The following ELMO2 variants were observed in gnomAD, a reference collection of about 807,000 sequenced individuals.
ELMO2 encodes engulfment and cell motility protein 2.
In ELMO2, 37 loss-of-function variants were observed where a neutral mutation model predicts 96.2. The observed-to-expected ratio is 0.38, with a 90% CI of 0.30 to 0.51. The LOEUF is 0.51. Among genes scored for constraint, ELMO2 ranks in the 20% least tolerant of loss-of-function variants. The pLI is 0.88. For missense variants in ELMO2, 561 were observed against 912.6 expected (o/e 0.61, Z 4.96); for synonymous variants, 315 against 329.4 (o/e 0.96, Z 0.47).
At position 46,373,548 on chromosome 20, in the gene ELMO2, A is replaced by G; in HGVS notation, c.1280-13T>C. 3 of 1,613,456 alleles carry G rather than the reference A, an allele frequency of 1.9e-6. No homozygotes were observed. Among genetic ancestry groups the G allele is most frequent in the Non-Finnish European group, 2.5e-6 (3 of 1,179,422 alleles). The stretch of plus-strand genomic sequence containing the variant: ...CGTCCTTCATTTGCTGTGGAAGTGA[A>G]AAAACAGGGAGAAGATGAAGCCTCT... On this transcript the variant is annotated splice_polypyrimidine_tract_variant and intron_variant, in intron 15 of 21. Coordinates refer to ENST00000290246, the MANE Select transcript of ELMO2 (RefSeq NM_133171.5).
chr20:46,394,164 C>T, intron 3 of ELMO2, 75 bp from the exon 4 acceptor site: 1 of 1,335,836 alleles, frequency 7.5e-7, no homozygotes, highest in Non-Finnish European at 1.1e-6. Context: ...AGAGGCCTGC[C>T]AAGCAGGGTC....
chr20:46,389,516 C>T (rs2060113473), intron 6 of ELMO2, among the ~76,000 whole-genome samples: 1 of 152,152 alleles, frequency 6.6e-6, no homozygotes, highest in Non-Finnish European at 1.5e-5. Context: ...GATGGTAAGT[C>T]ACAGAGAAAC....
In ELMO2 at chr20:46,375,596, G is replaced by C. The variant is rs1192974300; in HGVS notation, c.930+72C>G. On this transcript the variant is annotated intron_variant, in intron 12 of 21. Coordinates refer to ENST00000290246, the MANE Select transcript of ELMO2 (RefSeq NM_133171.5). This position sits in a 1 kb window ranked among gnomAD's most constrained non-coding sequence, Gnocchi z 4.6. The stretch of plus-strand genomic sequence containing the variant: ...CTTCTGCAGACAAAGACCAAGCACA[G>C]TGCCTGGCACATAGACTAAGGCTGG... 3.3e-5 allele frequency: 53 copies of C among 1,602,330 alleles called. No homozygotes were observed. Among genetic ancestry groups the C allele is most frequent in the Non-Finnish European group, 4.5e-5 (53 of 1,171,692 alleles).
intron 11 of ELMO2, among the ~76,000 whole-genome samples, chr20:46,378,786 T>C (rs1267743630): frequency 6.6e-6 from 1 of 152,210 alleles, no homozygotes; most frequent in Non-Finnish European, 1.5e-5. Context: ...CTAAGCACAG[T>C]ATTATATTAG....
chr20:46,369,733 T>G (rs576845045), intron 20 of ELMO2: 1 of 161,036 alleles, frequency 6.2e-6, no homozygotes, highest in African/African-American at 2.4e-5. Flanking sequence ...AACCTCTAGA[T>G]CCCTCTTCCA....
At chr20:46,388,970 A>G in intron 7 of ELMO2, 69 bp downstream of exon 7, 2 of 1,510,380 alleles carry the variant, frequency 1.3e-6, no homozygotes, top group Non-Finnish European at 1.8e-6. Context: ...AAGGGAAATG[A>G]GACTAGGATG....
At chr20:46,404,923 C>T (rs374071055) in intron 1 of ELMO2, among the ~76,000 whole-genome samples, 1 of 152,170 alleles carries the variant, frequency 6.6e-6, no homozygotes, top group Non-Finnish European at 1.5e-5. Flanking sequence ...AGCAGCATCA[C>T]TCTAGCATAG....
At chr20:46,376,623 T>C in intron 11 of ELMO2, 1 of 1,289,426 alleles carries the variant, frequency 7.8e-7, no homozygotes, top group Non-Finnish European at 1.0e-6. Flanking sequence ...TTCCTGTCTC[T>C]CACCATCCTG....
chr20:46,372,793 GA>G (rs1231764085), intron 16 of ELMO2: 6 of 152,222 alleles, frequency 3.9e-5, no homozygotes, highest in African/African-American at 1.4e-4. Context: ...ACCTGTAGGG[GA>G]TAAAAAAGAC....
intron 1 of ELMO2, among the ~76,000 whole-genome samples, chr20:46,400,732 C>T (rs2145858496): frequency 6.6e-6 from 1 of 152,354 alleles, no homozygotes; most frequent in Non-Finnish European, 1.5e-5. Context: ...GTTTTTCAAA[C>T]ACAGAGCTGG....
intron 2 of ELMO2, among the ~76,000 whole-genome samples, chr20:46,394,791 T>C (rs1225632475): frequency 6.6e-6 from 1 of 152,218 alleles, no homozygotes; most frequent in Non-Finnish European, 1.5e-5. Context: ...CACTTCAGTT[T>C]AAGAGTCAAG....
At chr20:46,376,924 C>G (rs1171128159) in intron 11 of ELMO2, 1 of 834,830 alleles carries the variant, frequency 1.2e-6, no homozygotes, top group African/African-American at 1.8e-5. Context: ...TTGCACCAGC[C>G]ACATTTTAAG....
intron 2 of ELMO2, among the ~76,000 whole-genome samples, chr20:46,394,831 T>G (rs1195103072): frequency 2.0e-5 from 3 of 152,228 alleles, no homozygotes; most frequent in African/African-American, 4.8e-5. Context: ...ATGTATTTAC[T>G]GCAAATTCCT....
chr20:46,403,340 T>C (rs1375231187), intron 1 of ELMO2, among the ~76,000 whole-genome samples: 2 of 152,230 alleles, frequency 1.3e-5, no homozygotes, highest in Non-Finnish European at 1.5e-5. Context: ...CAGCAGCTAA[T>C]ACAATGCCTG....
Position 46,371,253 on chromosome 20 carries a change from GGTAC to G in ELMO2, c.1801+95_1801+98del. The G allele has an allele frequency of 8.3e-7, 1 of 1,205,666 alleles. No individual in the cohort carries two copies. Among genetic ancestry groups the G allele is most frequent in the South Asian group, 1.4e-5 (1 of 73,522 alleles). The allele number at this position is 1,205,666 out of a possible 1,614,324, so 74.7% of individuals were successfully genotyped here. A position where few individuals can be genotyped will look rare whatever the true frequency, so the allele number is the denominator to read the frequency against. On this transcript the variant is annotated intron_variant, in intron 19 of 21. Transcript: ENST00000290246. This position sits in a 1 kb window ranked among gnomAD's most constrained non-coding sequence, Gnocchi z 5.9. ...AGGAAACAGGTCCAGAGAGGTAACAGGTACAAGCCCAGATGATCAGCTACAAACA... is the reference window on the plus strand; with the variant it reads ...AGGAAACAGGTCCAGAGAGGTAACAGAAGCCCAGATGATCAGCTACAAACA...
intron 10 of ELMO2, among the ~76,000 whole-genome samples, chr20:46,380,657 A>C (rs983300296): frequency 2.0e-5 from 3 of 152,206 alleles, no homozygotes; most frequent in African/African-American, 7.2e-5. Context: ...TCTAAGCCAC[A>C]TGCATCGTGC....
At chr20:46,376,941 G>C in intron 11 of ELMO2, 1 of 577,626 alleles carries the variant, frequency 1.7e-6, no homozygotes, top group African/African-American at 2.0e-5. Context: ...TAAGTGCTTA[G>C]TAGTCACCGT....
intron 20 of ELMO2, chr20:46,369,247 C>T (rs1423024467): frequency 6.1e-6 from 2 of 328,362 alleles, no homozygotes; most frequent in Middle Eastern, 8.9e-4. Context: ...TGGAAGGTCA[C>T]GATCCATGAC....
At chr20:46,388,352 A>G (rs2060086446) in intron 7 of ELMO2, among the ~76,000 whole-genome samples, 1 of 152,194 alleles carries the variant, frequency 6.6e-6, no homozygotes, top group Non-Finnish European at 1.5e-5. Flanking sequence ...AACAATTTCA[A>G]TAGTTGATCT....
Sources: allele counts gnomAD v4.1 joint callset (sites outside exome capture counted in the v4.1 genomes callset), GRCh38; gene constraint gnomAD v4.1.1; non-coding constraint Gnocchi (gnomAD v3.1); transcripts MANE v1.5; gene names NCBI Gene and HGNC (gene_info 2026-07-23, HGNC 2026-07-21).